Variants in ETV6 observed in about 807,000 individuals in gnomAD.
The protein encoded by ETV6 is transcription factor ETV6.
Under a neutral mutation model 51.1 loss-of-function variants are expected in ETV6, and 16 were observed. The ratio of observed to expected loss-of-function variants is 0.31; its 90% CI spans 0.21 to 0.48. ETV6 has a LOEUF of 0.48. Among genes scored for constraint, ETV6 ranks in the 20% least tolerant of loss-of-function variants. The pLI is 0.99. For missense variants in ETV6, 458 were observed against 594.8 expected, an observed-to-expected ratio of 0.77 and a Z score of 2.39; for synonymous variants, 240 against 224.1, an observed-to-expected ratio of 1.07 and a Z score of -0.64.
chr12:11,794,958 C>T (rs552608683), intron 2 of ETV6, among the ~76,000 whole-genome samples: 2 of 152,134 alleles, frequency 1.3e-5, no homozygotes, highest in Non-Finnish European at 2.9e-5. Context: ...GTTTTGTGAC[C>T]GTTGAACTGA....
At chr12:11,762,546 A>G (rs1285814317) in intron 2 of ETV6, among the ~76,000 whole-genome samples, 1 of 152,200 alleles carries the variant, frequency 6.6e-6, no homozygotes, top group Non-Finnish European at 1.5e-5. Flanking sequence ...TTAATACTGC[A>G]TTAATTAATT....
In ETV6 at chr12:11,854,019, C is replaced by T. The variant is rs530453736; in HGVS notation, c.463+458C>T. Among the ~76,000 whole-genome samples the T allele has an allele frequency of 1.2e-3, 186 of 152,260 alleles. 1 individual carries two copies. In the Middle Eastern group the frequency reaches 0.031, roughly 25 times the overall value. ...ATTCTGCACTTCATTTCTATTATTA[C>T]ATTATCATACATAATGAAATAATTA... is the stretch of plus-strand genomic sequence containing the variant. On this transcript the variant is annotated intron_variant, in intron 4 of 7. Coordinates refer to ENST00000396373, the MANE Select transcript of ETV6 (RefSeq NM_001987.5).
At chr12:11,703,448 A>G (rs1865019566) in intron 1 of ETV6, among the ~76,000 whole-genome samples, 1 of 152,140 alleles carries the variant, frequency 6.6e-6, no homozygotes, top group African/African-American at 2.4e-5. Context: ...GGGGATTAAA[A>G]TGGACAGACT....
chr12:11,698,024 G>A (rs1477358408), intron 1 of ETV6, among the ~76,000 whole-genome samples: 1 of 152,126 alleles, frequency 6.6e-6, no homozygotes, highest in Non-Finnish European at 1.5e-5. Context: ...AAAAACCTCT[G>A]GTTGTTCCTT....
intron 2 of ETV6, among the ~76,000 whole-genome samples, chr12:11,758,962 C>T (rs1217243276): frequency 2.6e-5 from 4 of 152,124 alleles, no homozygotes; most frequent in East Asian, 3.9e-4. Context: ...TGTGGCTGTA[C>T]GAGGGCCCTG....
intron 1 of ETV6, among the ~76,000 whole-genome samples, chr12:11,701,083 C>CT (rs980665517): frequency 9.3e-5 from 14 of 149,900 alleles, no homozygotes; most frequent in East Asian, 5.8e-4. Context: ...TTTTTTTTTA[C>CT]TTTTTTTTGC....
chr12:11,756,478 GA>G (rs570803436), intron 2 of ETV6, among the ~76,000 whole-genome samples: 10 of 151,058 alleles, frequency 6.6e-5, no homozygotes, highest in Middle Eastern at 3.4e-3. Context: ...AGACAGGTGG[GA>G]AAAAAAAAGT....
chr12:11,763,450 C>T (rs1591657052), intron 2 of ETV6, among the ~76,000 whole-genome samples: 1 of 152,188 alleles, frequency 6.6e-6, no homozygotes, highest in African/African-American at 2.4e-5. Flanking sequence ...AATGAAACTA[C>T]TGGAATGCCC....
chr12:11,842,895 G>T (rs1946411187), intron 3 of ETV6, among the ~76,000 whole-genome samples: 1 of 123,406 alleles, frequency 8.1e-6, no homozygotes, highest in Non-Finnish European at 1.6e-5. Context: ...CTTGGAAGTA[G>T]TGGTTAGAGT....
At chr12:11,865,693 T>G (rs1372123770) in intron 4 of ETV6, among the ~76,000 whole-genome samples, 1 of 148,734 alleles carries the variant, frequency 6.7e-6, no homozygotes, top group Non-Finnish European at 1.5e-5. Flanking sequence ...ATAGTATATA[T>G]GGTGTGTGTG....
chr12:11,729,330 A>G (rs2120969205), intron 1 of ETV6, among the ~76,000 whole-genome samples: 1 of 151,944 alleles, frequency 6.6e-6, no homozygotes, highest in South Asian at 2.1e-4. Context: ...GGAGCACTAG[A>G]ATTGAAGGCC....
Position 11,891,508 on chromosome 12 carries a change from G to A in ETV6, c.*462G>A, listed in dbSNP as rs1228377132. ...TCACAAAGTGCGGCAAGCCCAGCTG[G>A]TCAGGAAAGAGAATACTTGCAGAGG... On this transcript the variant is annotated 3_prime_UTR_variant, in exon 8 of 8. Coordinates refer to ENST00000396373, the MANE Select transcript of ETV6 (RefSeq NM_001987.5). 1 of 518,482 alleles carries A rather than the reference G, an allele frequency of 1.9e-6. No individual in the cohort carries two copies. Among genetic ancestry groups the A allele is most frequent in the East Asian group, 4.0e-5 (1 of 25,220 alleles). The allele number at this position is 518,482 out of a possible 1,614,324, so 32.1% of individuals were successfully genotyped here. A position where few individuals can be genotyped will look rare whatever the true frequency, so the allele number is the denominator to read the frequency against.
chr12:11,666,274 T>C (rs1446317905), intron 1 of ETV6, among the ~76,000 whole-genome samples: 2 of 151,940 alleles, frequency 1.3e-5, no homozygotes, highest in African/African-American at 2.4e-5. Context: ...GTCAGCTCTT[T>C]CCAGTCTTCT....
At chr12:11,843,161 A>G (rs1271336644) in intron 3 of ETV6, among the ~76,000 whole-genome samples, 1 of 152,232 alleles carries the variant, frequency 6.6e-6, no homozygotes, top group Admixed American at 6.5e-5. Flanking sequence ...AGGAAAACTT[A>G]CCACAGAACA....
chr12:11,783,286 G>A (rs957317468), intron 2 of ETV6, among the ~76,000 whole-genome samples: 2 of 152,116 alleles, frequency 1.3e-5, no homozygotes, highest in Non-Finnish European at 2.9e-5. Flanking sequence ...AGGAAGGAAA[G>A]AATGATCCTG....
intron 2 of ETV6, among the ~76,000 whole-genome samples, chr12:11,776,222 A>G (rs1349174570): frequency 6.6e-6 from 1 of 152,228 alleles, no homozygotes; most frequent in Admixed American, 6.5e-5. Flanking sequence ...AGGATGCGGG[A>G]CATTGTGCTA....
At chr12:11,728,692 G>A (rs1323720484) in intron 1 of ETV6, among the ~76,000 whole-genome samples, 2 of 152,132 alleles carry the variant, frequency 1.3e-5, no homozygotes, top group East Asian at 3.8e-4. Context: ...GGCTGGACTT[G>A]AGGAAATCTA....
At chr12:11,662,948 G>C (rs763025697) in intron 1 of ETV6, among the ~76,000 whole-genome samples, 1 of 152,212 alleles carries the variant, frequency 6.6e-6, no homozygotes, top group Non-Finnish European at 1.5e-5. Flanking sequence ...CTGCACACCA[G>C]CCAGGGTAAG....
At chr12:11,738,462 A>G (rs1194114348) in intron 1 of ETV6, among the ~76,000 whole-genome samples, 1 of 151,230 alleles carries the variant, frequency 6.6e-6, no homozygotes, top group East Asian at 1.9e-4. Flanking sequence ...ATGTACCACC[A>G]TGCCCGACTA....
Sources: allele counts gnomAD v4.1 joint callset (sites outside exome capture counted in the v4.1 genomes callset), GRCh38; gene constraint gnomAD v4.1.1; transcripts MANE v1.5; gene names NCBI Gene and HGNC (gene_info 2026-07-23, HGNC 2026-07-21).